A2ML1: variants seen among roughly 807,000 people sequenced by gnomAD.
A2ML1 encodes alpha-2-macroglobulin-like protein 1.
A2ML1 carries 161 observed loss-of-function variants against 181.9 expected under a neutral mutation model. The ratio of observed to expected loss-of-function variants is 0.89; its 90% CI spans 0.78 to 1.01. A2ML1 has a LOEUF of 1.01. Among genes scored for constraint, A2ML1 ranks in the 50% least tolerant of loss-of-function variants. A2ML1 has a pLI of 0.00. For synonymous variants in A2ML1, 663 were observed against 666.8 expected, an observed-to-expected ratio of 0.99 and a Z score of 0.09; for missense variants, 1,670 against 1,768.1, an observed-to-expected ratio of 0.94 and a Z score of 1.00.
chr12:8,868,261 C>A lies in A2ML1; in HGVS notation c.3965C>A (p.Thr1322Lys), dbSNP rs768728955. The change falls in exon 31 of 36, where the codon ACA becomes AAA. Residue 1322 changes from threonine to lysine, a missense_variant. Transcript: ENST00000299698. ...TTGAGATACAATATTCTCCCTCCCA[C>A]AAATATGAAGACCTTTAGTCTTAGT... ...TVLRYNILPP[T>K]NMKTFSLSVE... 2.2e-4 allele frequency: 358 copies of A among 1,613,828 alleles called. 3 individuals are homozygous for A. The South Asian group carries it at 3.1e-3, about 14-fold the overall frequency.
chr12:8,864,151 T>A, intron 29 of A2ML1, 143 bp downstream of exon 29: 1 of 703,932 alleles, frequency 1.4e-6, no homozygotes. Context: ...GAAGTATTCA[T>A]AAAATGGGTT....
chr12:8,837,139 C>T (rs1044087027), intron 7 of A2ML1, among the ~76,000 whole-genome samples: 1 of 152,126 alleles, frequency 6.6e-6, no homozygotes, highest in Non-Finnish European at 1.5e-5. Context: ...CTGCCTCTTC[C>T]TCCCGGAGAA....
intron 11 of A2ML1, among the ~76,000 whole-genome samples, chr12:8,842,342 C>A (rs1943511236): frequency 1.3e-5 from 2 of 152,016 alleles, no homozygotes; most frequent in Admixed American, 6.6e-5. Flanking sequence ...CTCAGCCTCC[C>A]CGAGTAGCTG....
At chr12:8,844,833 C>T (rs1943610693) in intron 12 of A2ML1, 3 of 286,990 alleles carry the variant, frequency 1.0e-5, no homozygotes, top group South Asian at 1.4e-4. Context: ...AAGTTAGGGC[C>T]GAGCCACGTG....
chr12:8,834,443 G>T (rs1341538867), intron 4 of A2ML1, among the ~76,000 whole-genome samples: 3 of 152,062 alleles, frequency 2.0e-5, no homozygotes, highest in African/African-American at 7.2e-5. Context: ...TGAGATTCCT[G>T]CCCCCACTCT....
chr12:8,846,375 T>C (rs781591021), intron 14 of A2ML1, among the ~76,000 whole-genome samples, 153 bp downstream of exon 14: 71 of 152,252 alleles, frequency 4.7e-4, no homozygotes, highest in Non-Finnish European at 9.3e-4. Context: ...TTGGGGTTTG[T>C]GTTGAAATCC....
chr12:8,869,071 T>C, intron 32 of A2ML1, 64 bp from the exon 33 acceptor site: 2 of 1,526,004 alleles, frequency 1.3e-6, no homozygotes, highest in South Asian at 2.2e-5. Flanking sequence ...GGCAGAGCTT[T>C]GGAAGACTAC....
chr12:8,846,782 G>C (rs1943700838), intron 14 of A2ML1, among the ~76,000 whole-genome samples: 1 of 144,412 alleles, frequency 6.9e-6, no homozygotes, highest in Non-Finnish European at 1.5e-5. Flanking sequence ...TTACACTCCA[G>C]CCTGAGTGAC....
chr12:8,860,189 A>G (rs984776000), intron 26 of A2ML1, among the ~76,000 whole-genome samples: 2 of 151,966 alleles, frequency 1.3e-5, no homozygotes, highest in Non-Finnish European at 2.9e-5. Flanking sequence ...CCACGGATCC[A>G]CGTGCCACTA....
At chr12:8,844,387 C>T (rs1360883543) in intron 12 of A2ML1, among the ~76,000 whole-genome samples, 3 of 151,940 alleles carry the variant, frequency 2.0e-5, no homozygotes, top group Non-Finnish European at 2.9e-5. Context: ...CAGGCATGAG[C>T]CACCGAGCCC....
chr12:8,825,193 C>T (rs1176251137), intron 3 of A2ML1, among the ~76,000 whole-genome samples: 1 of 152,108 alleles, frequency 6.6e-6, no homozygotes, highest in African/African-American at 2.4e-5. Flanking sequence ...AGTGGTTGTA[C>T]TAATTTACAT....
At position 8,841,536 on chromosome 12, in the gene A2ML1, G is replaced by T; in HGVS notation, c.1248G>T (p.Glu416Asp). 1 of 1,610,872 alleles carries T rather than the reference G, an allele frequency of 6.2e-7. No homozygotes were observed. The highest frequency in any genetic ancestry group is 1.1e-5 in the South Asian group (1 of 90,216). ...SGWNGTDVSL[E>D]GKFQMEDLVY... The stretch of plus-strand genomic sequence containing the variant: ...GGAATGGGACAGACGTTTCTCTGGA[G>T]GTAAGCATGGACGGAGGACCAGCTT... The change falls in exon 11 of 36, where the codon GAG becomes GAT. Residue 416 changes from glutamate (E) to aspartate (D), a missense_variant and splice_region_variant. Physicochemically the swap from Glu to Asp is conservative, Grantham distance 45. Transcript: ENST00000299698.
intron 4 of A2ML1, among the ~76,000 whole-genome samples, chr12:8,832,741 C>T (rs1482094814): frequency 2.0e-5 from 3 of 152,018 alleles, no homozygotes; most frequent in Non-Finnish European, 4.4e-5. Flanking sequence ...AGTGAGGGTA[C>T]CTAAGGTGAG....
intron 23 of A2ML1, among the ~76,000 whole-genome samples, chr12:8,856,278 C>T (rs778626566): frequency 6.6e-6 from 1 of 152,234 alleles, no homozygotes; most frequent in South Asian, 2.1e-4. Flanking sequence ...CTATTTTATT[C>T]GTAAGTCTGA....
intron 8 of A2ML1, 93 bp from the exon 9 acceptor site, chr12:8,838,243 A>G: frequency 1.2e-6 from 1 of 828,398 alleles, no homozygotes; most frequent in Non-Finnish European, 1.9e-6. Context: ...TGTGGAGATG[A>G]GAAATTATTT....
chr12:8,850,199 C>T lies in A2ML1; in HGVS notation c.2159C>T (p.Pro720Leu). ...GHPEAFESST[P>L]LHQAEDSQVR... Reference sequence around the variant, plus strand: ...CCAGAGGCTTTTGAGTCATCAACTCCTTTACATCAAGCAGAGGATTCTCAG... The same window carrying T: ...CCAGAGGCTTTTGAGTCATCAACTCTTTTACATCAAGCAGAGGATTCTCAG... Residue 720 changes from proline (P) to leucine (L), a missense_variant, in exon 18 of 36, where the codon CCT becomes CTT. Pro to Leu is a moderately conservative substitution (Grantham distance 98). Transcript: ENST00000299698. 6.2e-7 allele frequency: 1 copy of T among 1,613,292 alleles called. No homozygotes were observed. Among genetic ancestry groups the T allele is most frequent in the South Asian group, 1.1e-5 (1 of 90,950 alleles).
In A2ML1 at chr12:8,852,442, T is replaced by G; in HGVS notation, c.2590+106T>G. 6.7e-7 allele frequency: 1 copy of G among 1,497,354 alleles called. No individual in the cohort carries two copies. The highest frequency in any genetic ancestry group is 9.1e-7 in the Non-Finnish European group (1 of 1,101,864). The allele number at this position is 1,497,354 out of a possible 1,614,324, so 92.8% of individuals were successfully genotyped here. A position where few individuals can be genotyped will look rare whatever the true frequency, so the allele number is the denominator to read the frequency against. On this transcript the variant is annotated intron_variant, in intron 20 of 35. Transcript: ENST00000299698. This position sits in a 1 kb window ranked among gnomAD's most constrained non-coding sequence, Gnocchi z 4.2. ...CACATCTGCTTTGCTTCCTCCTCCA[T>G]TTTCCACTATTTTTCTCCCTCCTAA...
At chr12:8,845,963 A>C (rs1348943442) in intron 13 of A2ML1, 114 bp from the exon 14 acceptor site, 1 of 1,107,148 alleles carries the variant, frequency 9.0e-7, no homozygotes, top group African/African-American at 1.6e-5. Flanking sequence ...AAAAATGAGA[A>C]GTAACTTGCA....
In A2ML1 at chr12:8,841,520, C is replaced by G. The variant is rs1943480354; in HGVS notation, c.1232C>G (p.Thr411Arg). Reference protein sequence around the residue: ...FTLETSGWNGTDVSLEGKFQM... With the variant: ...FTLETSGWNGRDVSLEGKFQM... ...TTGGAGACATCCGGTTGGAATGGGA[C>G]AGACGTTTCTCTGGAGGTAAGCATG... The change falls in exon 11 of 36, where the codon ACA becomes AGA. Residue 411 changes from threonine (T) to arginine (R), a missense_variant. By Grantham distance (71) the Thr-to-Arg change is moderately conservative. Transcript: ENST00000299698. 1 of 1,613,448 alleles carries G rather than the reference C, an allele frequency of 6.2e-7. No homozygotes were observed. The highest frequency in any genetic ancestry group is 1.3e-5 in the African/African-American group (1 of 74,874).
Sources: gnomAD v4.1 joint callset for allele counts (sites outside exome capture counted in the v4.1 genomes callset) on GRCh38, gnomAD v4.1.1 for gene constraint, Gnocchi (gnomAD v3.1) non-coding constraint, MANE v1.5 for transcripts, NCBI Gene and HGNC (gene_info 2026-07-23, HGNC 2026-07-21) for gene names.